RCOR1: variants seen among roughly 807,000 people sequenced by gnomAD.
RCOR1 encodes REST corepressor.
RCOR1 carries 12 observed loss-of-function variants against 64.0 expected under a neutral mutation model. The observed-to-expected ratio is 0.19, with a 90% CI of 0.12 to 0.30. The LOEUF (loss-of-function observed/expected upper bound fraction) is 0.30, where lower values mean the gene tolerates loss of function less well. Ranked by LOEUF, RCOR1 falls within the 10% of genes least tolerant of loss-of-function variation. RCOR1 has a pLI of 1.00. For synonymous variants in RCOR1, 279 were observed against 227.2 expected, an observed-to-expected ratio of 1.23 and a Z score of -2.05; for missense variants, 502 against 621.2, an observed-to-expected ratio of 0.81 and a Z score of 2.04.
intron 2 of RCOR1, among the ~76,000 whole-genome samples, chr14:102,633,604 A>G (rs912306480): frequency 3.2e-4 from 48 of 152,132 alleles, no homozygotes; most frequent in African/African-American, 1.1e-3. Context: ...CAATGGCATG[A>G]TCTCAGCTTA....
intron 10 of RCOR1, 186 bp downstream of exon 10, chr14:102,721,563 A>AAAT: frequency 3.0e-6 from 1 of 334,188 alleles, no homozygotes. Flanking sequence ...AAAAAAAAAA[A>AAAT]TTTTTTTTTT....
chr14:102,640,987 C>T (rs1894356691), intron 2 of RCOR1, among the ~76,000 whole-genome samples: 1 of 152,144 alleles, frequency 6.6e-6, no homozygotes, highest in Admixed American at 6.6e-5. Flanking sequence ...GGTGTGGTGG[C>T]TCACGCCTGT....
intron 4 of RCOR1, among the ~76,000 whole-genome samples, chr14:102,706,128 A>AAAAAAAAAAAAAAAAAAAAAAAAAAAAC: frequency 6.7e-6 from 1 of 148,342 alleles, no homozygotes; most frequent in African/African-American, 2.5e-5. Context: ...AAAAAAAAAA[A>AAAAAAAAAAAAAAAAAAAAAAAAAAAAC]AAAAAAAAAA....
At chr14:102,598,824 C>T (rs1333929201) in intron 2 of RCOR1, among the ~76,000 whole-genome samples, 2 of 151,852 alleles carry the variant, frequency 1.3e-5, no homozygotes, top group Non-Finnish European at 2.9e-5. Context: ...GTTAGAATAC[C>T]ATTTGTGTTT....
chr14:102,679,766 C>G (rs545819459), intron 2 of RCOR1, among the ~76,000 whole-genome samples: 1 of 152,366 alleles, frequency 6.6e-6, no homozygotes, highest in African/African-American at 2.4e-5. Context: ...GCGTGAGCCA[C>G]TGCACCTGGC....
At chr14:102,659,178 G>C (rs149562985) in intron 2 of RCOR1, 1 of 984,694 alleles carries the variant, frequency 1.0e-6, no homozygotes, top group East Asian at 1.1e-4. Context: ...AAGCTCTTTA[G>C]ATAAAATCTC....
At chr14:102,646,551 G>A (rs1328676560) in intron 2 of RCOR1, among the ~76,000 whole-genome samples, 1 of 152,164 alleles carries the variant, frequency 6.6e-6, no homozygotes, top group Non-Finnish European at 1.5e-5. Flanking sequence ...ATTTTCAATA[G>A]GAAACCAAGG....
intron 4 of RCOR1, among the ~76,000 whole-genome samples, chr14:102,706,815 C>T (rs1364003344): frequency 6.6e-6 from 1 of 151,316 alleles, no homozygotes; most frequent in East Asian, 1.9e-4. Context: ...GATCCAGACC[C>T]TGTCTCAAAT....
At position 102,722,388 on chromosome 14, in the gene RCOR1, C is replaced by G. The variant is rs1233517320; in HGVS notation, c.1391C>G (p.Ser464Cys). The change falls in exon 11 of 12, where the codon TCC (serine) becomes TGC (cysteine). Residue 464 changes from serine to cysteine, a missense_variant. Ser to Cys is a moderately radical substitution (Grantham distance 112, BLOSUM62 -1). Coordinates refer to ENST00000262241, the MANE Select transcript of RCOR1 (RefSeq NM_015156.4). Reference protein sequence around the residue: ...NQKPVKSPDNSIKMPEEEDEA... With the variant: ...NQKPVKSPDNCIKMPEEEDEA... ...AAGCCTGTGAAGTCCCCAGATAATT[C>G]CATTAAGATGCCCGAAGAGGAAGAC... The G allele has an allele frequency of 2.0e-5, 32 of 1,613,484 alleles. No homozygotes were observed. Among genetic ancestry groups the G allele is most frequent in the Non-Finnish European group, 2.7e-5 (32 of 1,179,790 alleles).
rs897006598 is a variant in RCOR1, at chr14:102,638,184, A to G, written c.362-43711A>G. Among the ~76,000 whole-genome samples the G allele has an allele frequency of 4.6e-5, 7 of 152,358 alleles. 1 individual carries two copies. The highest frequency in any genetic ancestry group is 6.8e-3 in the Middle Eastern group (2 of 294). On this transcript the variant is annotated intron_variant, in intron 2 of 11. Coordinates refer to ENST00000262241, the MANE Select transcript of RCOR1 (RefSeq NM_015156.4). ...AGCACACATAAAATAGTCCAAGGAC[A>G]TTATCAACTCAGGTGCAGAAGTTCT...
chr14:102,720,873 C>A, intron 8 of RCOR1, 134 bp from the exon 9 acceptor site: 1 of 559,744 alleles, frequency 1.8e-6, no homozygotes, highest in Non-Finnish European at 3.2e-6. Context: ...CCATAGGGAT[C>A]TCAGAATTCA....
At chr14:102,593,221 C>G in intron 1 of RCOR1, 34 bp downstream of exon 1, 3 of 1,476,980 alleles carry the variant, frequency 2.0e-6, no homozygotes, top group Non-Finnish European at 2.7e-6. Context: ...CCCCGGGCCC[C>G]GCGCCCCGCG....
chr14:102,673,574 A>G (rs568184692), intron 2 of RCOR1, among the ~76,000 whole-genome samples: 18 of 151,044 alleles, frequency 1.2e-4, no homozygotes, highest in Non-Finnish European at 2.5e-4. Flanking sequence ...TGACCTTGTG[A>G]TCCGCCCGCC....
intron 2 of RCOR1, among the ~76,000 whole-genome samples, chr14:102,617,321 C>T (rs1485828845): frequency 6.6e-6 from 1 of 152,138 alleles, no homozygotes; most frequent in African/African-American, 2.4e-5. Flanking sequence ...TATTTTTTAG[C>T]GTTTCAAGAG....
chr14:102,654,785 A>AG (rs1894687691), intron 2 of RCOR1, among the ~76,000 whole-genome samples: 1 of 124,508 alleles, frequency 8.0e-6, no homozygotes, highest in African/African-American at 3.4e-5. Flanking sequence ...CCTGTGGTTG[A>AG]GTTTTTTTTT....
At chr14:102,639,474 G>A (rs984752573) in intron 2 of RCOR1, among the ~76,000 whole-genome samples, 1 of 148,588 alleles carries the variant, frequency 6.7e-6, no homozygotes, top group Non-Finnish European at 1.5e-5. Flanking sequence ...CAGCATGTCT[G>A]GCTAATTAAT....
intron 2 of RCOR1, among the ~76,000 whole-genome samples, chr14:102,642,400 T>C (rs977358994): frequency 1.3e-5 from 2 of 152,222 alleles, no homozygotes; most frequent in African/African-American, 4.8e-5. Flanking sequence ...TTCAGTTCCA[T>C]AGAATGTTGT....
intron 2 of RCOR1, among the ~76,000 whole-genome samples, chr14:102,636,097 T>A (rs935004170): frequency 6.6e-6 from 1 of 151,900 alleles, no homozygotes; most frequent in African/African-American, 2.4e-5. Context: ...CACACCCGGC[T>A]AATTTTTTGT....
chr14:102,658,689 C>G (rs1894773733), intron 2 of RCOR1: 1 of 885,852 alleles, frequency 1.1e-6, no homozygotes, highest in Non-Finnish European at 1.4e-6. Context: ...AACACTGATA[C>G]ATTACTAAGT....
Sources: gnomAD v4.1 joint callset for allele counts (sites outside exome capture counted in the v4.1 genomes callset) on GRCh38, gnomAD v4.1.1 for gene constraint, MANE v1.5 for transcripts, NCBI Gene and HGNC (gene_info 2026-07-23, HGNC 2026-07-21) for gene names.